PPFIA2: variants seen among roughly 807,000 people sequenced by gnomAD.
The protein encoded by PPFIA2 is PPFI scaffold protein A2, also known as liprin-alpha-2.
PPFIA2 carries 46 observed loss-of-function variants against 175.5 expected under a neutral mutation model. The observed-to-expected ratio is 0.26, with a 90% confidence interval of 0.21 to 0.34. The LOEUF is 0.34. Ranked by LOEUF, PPFIA2 falls within the 10% of genes least tolerant of loss-of-function variation. The pLI, the probability that PPFIA2 is intolerant of heterozygous loss-of-function variation, is 1.00. For missense variants in PPFIA2, 1,179 were observed against 1,506.1 expected (o/e 0.78, Z 3.60); for synonymous variants, 568 against 511.4 (o/e 1.11, Z -1.49).
At chr12:81,532,599 T>C (rs1245125969) in intron 4 of PPFIA2, among the ~76,000 whole-genome samples, 1 of 151,852 alleles carries the variant, frequency 6.6e-6, no homozygotes, top group Admixed American at 6.6e-5. Context: ...AGAAATCTTT[T>C]ACTCTACCTA....
intron 4 of PPFIA2, among the ~76,000 whole-genome samples, chr12:81,487,458 G>C (rs2400935): frequency 6.6e-6 from 1 of 151,624 alleles, no homozygotes; most frequent in African/African-American, 2.4e-5. Context: ...ATGAGCACTT[G>C]GTAAGTGTTA....
chr12:81,678,267 A>G (rs1425131901), intron 3 of PPFIA2, among the ~76,000 whole-genome samples: 1 of 151,868 alleles, frequency 6.6e-6, no homozygotes, highest in African/African-American at 2.4e-5. Context: ...ATGAGGAAAA[A>G]GGCCAATATT....
chr12:81,690,263 G>T (rs2075065198), intron 3 of PPFIA2, among the ~76,000 whole-genome samples: 1 of 152,056 alleles, frequency 6.6e-6, no homozygotes, highest in Non-Finnish European at 1.5e-5. Flanking sequence ...AAATAATGTG[G>T]TGATGACCAG....
chr12:81,633,495 C>T (rs1164459165), intron 4 of PPFIA2, among the ~76,000 whole-genome samples: 1 of 151,680 alleles, frequency 6.6e-6, no homozygotes, highest in East Asian at 1.9e-4. Flanking sequence ...ACCTGGGGAC[C>T]CAGGCAAGAC....
rs190412617 is a variant in PPFIA2 at position 81,407,249 on chromosome 12, C to T, written c.646-1346G>A. Among the ~76,000 whole-genome samples, 222 of 152,188 alleles carry T rather than the reference C, an allele frequency of 1.5e-3. 1 individual carries two copies. The highest frequency in any genetic ancestry group is 6.8e-3 in the Middle Eastern group (2 of 294). On this transcript the variant is annotated intron_variant, in intron 7 of 32. Coordinates refer to ENST00000549396, the MANE Select transcript of PPFIA2 (RefSeq NM_003625.5). ...CCTGTAATCTCGGCACTTTGGGAGG[C>T]CAAGGTGGCCAGATCACTTGAGGTC...
intron 4 of PPFIA2, among the ~76,000 whole-genome samples, chr12:81,479,479 G>A (rs752093465): frequency 2.6e-5 from 4 of 152,148 alleles, no homozygotes; most frequent in Non-Finnish European, 5.9e-5. Flanking sequence ...GATGCTAGCT[G>A]GTTATTTTGC....
chr12:81,666,241 C>A (rs1326021861), intron 4 of PPFIA2, among the ~76,000 whole-genome samples: 1 of 152,152 alleles, frequency 6.6e-6, no homozygotes, highest in East Asian at 1.9e-4. Context: ...TACTGTTTGA[C>A]CCAGCCATCC....
intron 7 of PPFIA2, among the ~76,000 whole-genome samples, chr12:81,410,004 G>A (rs143923928): frequency 6.6e-6 from 1 of 152,164 alleles, no homozygotes; most frequent in African/African-American, 2.4e-5. Context: ...TTTAGGAGAC[G>A]ATAAATGGAA....
Position 81,405,849 on chromosome 12 carries a change from C to G in PPFIA2, c.700G>C (p.Glu234Gln), listed in dbSNP as rs866062171. 1.9e-6 allele frequency: 3 copies of G among 1,581,088 alleles called. No individual in the cohort carries two copies. The highest frequency in any genetic ancestry group is 2.6e-6 in the Non-Finnish European group (3 of 1,161,556). Residue 234 changes from glutamate to glutamine, a missense_variant, in exon 8 of 33, where the codon GAG (glutamate) becomes CAG (glutamine). Physicochemically the swap from Glu to Gln is conservative, Grantham distance 29. Around this residue, in one of 10 missense-constraint regions of PPFIA2, gnomAD observed 226 missense variants for 216.6 expected, o/e 1.04. Transcript: ENST00000549396. Reference sequence around the variant, plus strand: ...AGATGTTCTGACTCTGTGGATCCCTCGCTTGATGCCATTTTTCTTTGTATA... The same window carrying G: ...AGATGTTCTGACTCTGTGGATCCCTGGCTTGATGCCATTTTTCTTTGTATA... ...VHIQRKMASS[E>Q]GSTESEHLEG...
At chr12:81,626,781 T>A (rs1422947950) in intron 4 of PPFIA2, among the ~76,000 whole-genome samples, 13 of 152,058 alleles carry the variant, frequency 8.5e-5, no homozygotes, top group Non-Finnish European at 1.5e-5. Flanking sequence ...TGGGGTGAGA[T>A]GTTAGGGTGA....
chr12:81,365,353 T>G (rs1386504787), intron 14 of PPFIA2, among the ~76,000 whole-genome samples: 1 of 151,792 alleles, frequency 6.6e-6, no homozygotes, highest in Non-Finnish European at 1.5e-5. Flanking sequence ...AGACATGAGA[T>G]ATGATCTGGG....
chr12:81,482,648 A>G (rs1331158737), intron 4 of PPFIA2, among the ~76,000 whole-genome samples: 1 of 152,164 alleles, frequency 6.6e-6, no homozygotes, highest in Non-Finnish European at 1.5e-5. Flanking sequence ...CAGAAAACCA[A>G]ACACTGCATG....
intron 24 of PPFIA2, among the ~76,000 whole-genome samples, chr12:81,285,790 T>C (rs1157434631): frequency 1.3e-5 from 2 of 152,114 alleles, no homozygotes; most frequent in Non-Finnish European, 2.9e-5. Context: ...GGGTTATTGG[T>C]TTATGTATTT....
chr12:81,369,387 A>G, intron 11 of PPFIA2, 193 bp from the exon 12 acceptor site: 1 of 1,431,098 alleles, frequency 7.0e-7, no homozygotes. Flanking sequence ...TGTTACATCC[A>G]AGCATCAGCA....
In PPFIA2 at chr12:81,353,330, G is replaced by A. The variant is rs751894669; in HGVS notation, c.1783C>T (p.Leu595Phe). Residue 595 changes from leucine (L) to phenylalanine (F), a missense_variant, in exon 17 of 33, where the codon CTT becomes TTT. Physicochemically the swap from Leu to Phe is conservative, Grantham distance 22. Around this residue, in one of 10 missense-constraint regions of PPFIA2, gnomAD observed 186 missense variants for 163.6 expected, o/e 1.14. Transcript: ENST00000549396. ...VRRDEPKVKSLGDHEWNRTQQ... is the reference protein window; with the variant it reads ...VRRDEPKVKSFGDHEWNRTQQ... ...GTTCTATTCCACTCGTGATCCCCAA[G>A]AGATTTCACCTGAATGGTGAATGAA... 2 of 1,611,726 alleles carry A rather than the reference G, an allele frequency of 1.2e-6. No individual in the cohort carries two copies. Among genetic ancestry groups the A allele is most frequent in the Non-Finnish European group, 1.7e-6 (2 of 1,178,096 alleles).
At chr12:81,656,316 T>C (rs1400533531) in intron 4 of PPFIA2, among the ~76,000 whole-genome samples, 1 of 152,150 alleles carries the variant, frequency 6.6e-6, no homozygotes, top group African/African-American at 2.4e-5. Flanking sequence ...CATGCTTTTG[T>C]TTAAAAGTTA....
intron 4 of PPFIA2, among the ~76,000 whole-genome samples, chr12:81,663,665 C>G (rs2069443658): frequency 6.6e-6 from 1 of 152,158 alleles, no homozygotes; most frequent in Non-Finnish European, 1.5e-5. Context: ...CAATGACTTT[C>G]TTCACAGAAT....
At chr12:81,517,985 A>C (rs889142962) in intron 4 of PPFIA2, among the ~76,000 whole-genome samples, 1 of 151,706 alleles carries the variant, frequency 6.6e-6, no homozygotes, top group Admixed American at 6.6e-5. Flanking sequence ...GATACACCTA[A>C]TGTAAATGAT....
chr12:81,573,880 T>C (rs1207688918), intron 4 of PPFIA2, among the ~76,000 whole-genome samples: 7 of 151,894 alleles, frequency 4.6e-5, no homozygotes, highest in Admixed American at 4.6e-4. Context: ...CTTTGTAACC[T>C]AAAAACAGCC....
Sources: allele counts gnomAD v4.1 joint callset (sites outside exome capture counted in the v4.1 genomes callset), GRCh38; gene constraint gnomAD v4.1.1; regional missense constraint gnomAD v4.1.1; transcripts MANE v1.5; gene names NCBI Gene and HGNC (gene_info 2026-07-23, HGNC 2026-07-21).